The following SLITRK1 variants were observed in gnomAD, a reference collection of about 807,000 sequenced individuals.
The protein encoded by SLITRK1 is SLIT and NTRK-like protein 1.
A neutral mutation model predicts 42.4 loss-of-function variants in SLITRK1; 10 were observed. That is an observed-to-expected ratio of 0.24 (90% CI 0.15 to 0.40). SLITRK1 has a LOEUF of 0.40. SLITRK1 is among the 10% of genes least tolerant of loss of function. The pLI is 1.00. For synonymous variants in SLITRK1, 389 were observed against 365.7 expected (o/e 1.06, Z -0.73); for missense variants, 778 against 848.8 (o/e 0.92, Z 1.04).
Position 83,880,416 on chromosome 13 carries a change from C to G in SLITRK1, c.1092G>C (p.Val364=). ...GLKMNCNNRN[V]SSLADLKPKL... is the part of the protein sequence containing the mutation. ...TGGGCTTCAAATCAGCCAAGCTGCT[C>G]ACGTTCCTGTTGTTGCAGTTCATCT... is the stretch of plus-strand genomic sequence containing the variant. The change falls in exon 2 of 2, where the codon GTG becomes GTC. Residue 364 remains valine, a synonymous_variant. Coordinates refer to ENST00000674365, the MANE Select transcript of SLITRK1 (RefSeq NM_001281503.2). 1 of 1,613,960 alleles carries G rather than the reference C, an allele frequency of 6.2e-7. No individual in the cohort carries two copies. Among genetic ancestry groups the G allele is most frequent in the Admixed American group, 1.7e-5 (1 of 60,004 alleles).
In SLITRK1 at chr13:83,881,444, C is replaced by T. The variant is rs1884812064; in HGVS notation, c.64G>A (p.Asp22Asn). 2 of 1,614,028 alleles carry T rather than the reference C, an allele frequency of 1.2e-6. No homozygotes were observed. The highest frequency in any genetic ancestry group is 1.7e-6 in the Non-Finnish European group (2 of 1,180,008). Reference sequence around the variant, plus strand: ...GAACAGATCTTCTCTTTGCAAACGTCCCCTGTAACGTTTCCAGCGGCAAAA... The same window carrying T: ...GAACAGATCTTCTCTTTGCAAACGTTCCCTGTAACGTTTCCAGCGGCAAAA... ...LCFAAGNVTG[D>N]VCKEKICSCN... The change falls in exon 2 of 2, where the codon GAC (aspartate) becomes AAC (asparagine). Residue 22 changes from aspartate (D) to asparagine (N), a missense_variant. This residue lies in a region of SLITRK1 where 204 missense variants were observed against 295.3 expected (regional missense o/e 0.69). Transcript: ENST00000674365.
Position 83,881,548 on chromosome 13 carries a change from A to G in SLITRK1, c.-41T>C. 1 of 1,613,172 alleles carries G rather than the reference A, an allele frequency of 6.2e-7. No homozygotes were observed. The highest frequency in any genetic ancestry group is 8.5e-7 in the Non-Finnish European group (1 of 1,179,444). ...TTCATCCCCGATCTCATCACAAAGT[A>G]ACAGCGACCATCCTGCTCGCCACAG... On this transcript the variant is annotated 5_prime_UTR_variant, in exon 2 of 2. Coordinates refer to ENST00000674365, the MANE Select transcript of SLITRK1 (RefSeq NM_001281503.2).
chr13:83,881,608 G>T, intron 1 of SLITRK1, 48 bp from the exon 2 acceptor site: 1 of 624,796 alleles, frequency 1.6e-6, no homozygotes, highest in Non-Finnish European at 2.8e-6. Context: ...TCCAATGTCC[G>T]AAGCCAGGAA....
rs905653392 is a variant in SLITRK1, at chr13:83,880,024, G to A, written c.1484C>T (p.Ser495Leu). ...GTTGTGCAGGCTGAGTTTAGAGAGC[G>A]AGACCCCAGCGAACACGTCCACAGG... is the stretch of plus-strand genomic sequence containing the variant. ...SLPVDVFAGV[S>L]LSKLSLHNNY... Residue 495 changes from serine (S) to leucine (L), a missense_variant, in exon 2 of 2, where the codon TCG (serine) becomes TTG (leucine). Coordinates refer to ENST00000674365, the MANE Select transcript of SLITRK1 (RefSeq NM_001281503.2). 1.2e-6 allele frequency: 2 copies of A among 1,614,048 alleles called. No homozygotes were observed. Among genetic ancestry groups the A allele is most frequent in the South Asian group, 1.1e-5 (1 of 91,066 alleles).
rs777987525 is a variant in SLITRK1, at chr13:83,879,556, C to G, written c.1952G>C (p.Arg651Thr). 7 of 1,613,956 alleles carry G rather than the reference C, an allele frequency of 4.3e-6. No homozygotes were observed. The South Asian group carries it at 6.6e-5, about 15-fold the overall frequency. The change falls in exon 2 of 2, where the codon AGA (arginine) becomes ACA (threonine). Residue 651 changes from arginine (R) to threonine (T), a missense_variant. Arg to Thr is a moderately conservative substitution (Grantham distance 71). This residue lies in a region of SLITRK1 where 164 missense variants were observed against 158.2 expected (regional missense o/e 1.04). Coordinates refer to ENST00000674365, the MANE Select transcript of SLITRK1 (RefSeq NM_001281503.2). ...GGACGCGGAGGAGTTGGCATCTCGT[C>G]TCTTGGACCGCTTTCGGTTCCTCAG... is the stretch of plus-strand genomic sequence containing the variant. ...FILRNRKRSK[R>T]RDANSSASEI...
At position 83,878,569 on chromosome 13, in the gene SLITRK1, A is replaced by T. The variant is rs1884737295; in HGVS notation, c.*848T>A. 1.3e-5 allele frequency: 2 copies of T among 152,546 alleles called. No homozygotes were observed. The highest frequency in any genetic ancestry group is 6.5e-5 in the Admixed American group (1 of 15,274). 9.4% of individuals were successfully genotyped at this position (152,546 alleles called of 1,614,324 possible). On this transcript the variant is annotated 3_prime_UTR_variant, in exon 2 of 2. Coordinates refer to ENST00000674365, the MANE Select transcript of SLITRK1 (RefSeq NM_001281503.2). ...TGAAAAAAATAAAATAAAATAAAAC[A>T]TCACCATCAAAATAAAAGAACCCAA...
In SLITRK1 at chr13:83,881,034, C is replaced by T. The variant is rs1475032414; in HGVS notation, c.474G>A (p.Val158=). The change falls in exon 2 of 2, where the codon GTG becomes GTA. Residue 158 remains valine, a synonymous_variant. Transcript: ENST00000674365. ...GAFQDLNKLE[V]LILNDNLIST... is the part of the protein sequence containing the mutation. ...TGATGAGATTGTCATTTAAAATGAGCACCTCCAGCTTGTTCAAGTCCTGGA... is the reference window on the plus strand; with the variant it reads ...TGATGAGATTGTCATTTAAAATGAGTACCTCCAGCTTGTTCAAGTCCTGGA... 6.2e-7 allele frequency: 1 copy of T among 1,613,916 alleles called. No homozygotes were observed. The highest frequency in any genetic ancestry group is 8.5e-7 in the Non-Finnish European group (1 of 1,180,016).
Position 83,880,530 on chromosome 13 carries a change from C to T in SLITRK1, c.978G>A (p.Ala326=), listed in dbSNP as rs751876233. ...AGGGTTTGTTCCTGGAGCTACCCGT[C>T]GCTATCGCTGCTGTGGGTCTGATTT... ...QIKIRPTAAI[A]TGSSRNKPLA... Residue 326 remains alanine (A), a synonymous_variant, in exon 2 of 2, where the codon GCG becomes GCA. Transcript: ENST00000674365. 3 of 1,613,958 alleles carry T rather than the reference C, an allele frequency of 1.9e-6. No individual in the cohort carries two copies. The Admixed American group carries it at 5.0e-5, about 27-fold the overall frequency.
Position 83,880,886 on chromosome 13 carries a change from G to T in SLITRK1, c.622C>A (p.Leu208Met), listed in dbSNP as rs1364543822. Residue 208 changes from leucine (L) to methionine (M), a missense_variant, in exon 2 of 2, where the codon CTG (leucine) becomes ATG (methionine). Around this residue, in one of 4 missense-constraint regions of SLITRK1, gnomAD observed 204 missense variants for 295.3 expected, o/e 0.69. Transcript: ENST00000674365. ...LEQIPGIAEI[L>M]LEDNPWDCTC... The stretch of plus-strand genomic sequence containing the variant: ...CAGTCCCAAGGGTTATCCTCTAGCA[G>T]GATCTCCGCAATACCAGGGATTTGC... 4.3e-6 allele frequency: 7 copies of T among 1,613,954 alleles called. No individual in the cohort carries two copies. The highest frequency in any genetic ancestry group is 5.9e-6 in the Non-Finnish European group (7 of 1,180,018).
chr13:83,881,675 C>T, intron 1 of SLITRK1, 115 bp from the exon 2 acceptor site: 1 of 716,902 alleles, frequency 1.4e-6, no homozygotes, highest in Non-Finnish European at 2.3e-6. Flanking sequence ...CTAACCCCCC[C>T]GCACTGCAAT....
In SLITRK1 at chr13:83,879,538, G is replaced by C; in HGVS notation, c.1970C>G (p.Ser657Cys). The change falls in exon 2 of 2, where the codon TCC (serine) becomes TGC (cysteine). Residue 657 changes from serine to cysteine, a missense_variant. Coordinates refer to ENST00000674365, the MANE Select transcript of SLITRK1 (RefSeq NM_001281503.2). Reference protein sequence around the residue: ...KRSKRRDANSSASEINSLQTV... With the variant: ...KRSKRRDANSCASEINSLQTV... Reference sequence around the variant, plus strand: ...CTGTAGGGAATTAATCTCGGACGCGGAGGAGTTGGCATCTCGTCTCTTGGA... The same window carrying C: ...CTGTAGGGAATTAATCTCGGACGCGCAGGAGTTGGCATCTCGTCTCTTGGA... 1 of 1,614,102 alleles carries C rather than the reference G, an allele frequency of 6.2e-7. No individual in the cohort carries two copies. The highest frequency in any genetic ancestry group is 2.2e-5 in the East Asian group (1 of 44,852).
At position 83,879,432 on chromosome 13, in the gene SLITRK1, G is replaced by T; in HGVS notation, c.2076C>A (p.His692Gln). ...GAHRVYDCGS[H>Q]SLSD ...GGTTGGGGTCTTAGTCTGAGAGCGAGTGAGAGCCACAGTCATACACTCTGT... is the reference window on the plus strand; with the variant it reads ...GGTTGGGGTCTTAGTCTGAGAGCGATTGAGAGCCACAGTCATACACTCTGT... Residue 692 changes from histidine (H) to glutamine (Q), a missense_variant, in exon 2 of 2, where the codon CAC becomes CAA. By Grantham distance (24) the His-to-Gln change is conservative. Around this residue, in one of 4 missense-constraint regions of SLITRK1, gnomAD observed 164 missense variants for 158.2 expected, o/e 1.04. Transcript: ENST00000674365. 1 of 1,613,442 alleles carries T rather than the reference G, an allele frequency of 6.2e-7. No homozygotes were observed. Among genetic ancestry groups the T allele is most frequent in the Non-Finnish European group, 8.5e-7 (1 of 1,180,022 alleles).
Position 83,881,150 on chromosome 13 carries a change from A to T in SLITRK1, c.358T>A (p.Ser120Thr), listed in dbSNP as rs760557916. 2 of 1,614,060 alleles carry T rather than the reference A, an allele frequency of 1.2e-6. No homozygotes were observed. Among genetic ancestry groups the T allele is most frequent in the Non-Finnish European group, 1.7e-6 (2 of 1,180,002 alleles). Reference protein sequence around the residue: ...RLHINNNKIKSFRKQTFLGLD... With the variant: ...RLHINNNKIKTFRKQTFLGLD... ...CCCAGAAAAGTCTGCTTTCGAAAAG[A>T]CTTGATCTTGTTGTTGTTGATGTGC... The change falls in exon 2 of 2, where the codon TCT becomes ACT. Residue 120 changes from serine (S) to threonine (T), a missense_variant. By Grantham distance (58) the Ser-to-Thr change is moderately conservative. Transcript: ENST00000674365.
rs1429767852 is a variant in SLITRK1, at chr13:83,882,102, CG to C, written c.-153del. 1 of 167,568 alleles carries C rather than the reference CG, an allele frequency of 6.0e-6. No individual in the cohort carries two copies. Among genetic ancestry groups the C allele is most frequent in the Non-Finnish European group, 1.5e-5 (1 of 68,692 alleles). 10.4% of individuals were successfully genotyped at this position (167,568 alleles called of 1,614,324 possible). ...GTTGCGGGTTGCCCAGAAGTCCCCC[CG>C]AGGTGCTGTCCAGTTCCCCCGGTGC... On this transcript the variant is annotated 5_prime_UTR_variant, in exon 1 of 2. Transcript: ENST00000674365.
rs1884721083 is a variant in SLITRK1, at chr13:83,877,776, G to C, written c.*1641C>G. Reference sequence around the variant, plus strand: ...GCAGCATCTCAAATGCCAGTCATTAGGTCTGTCTTTCATTGAGGAGTGCTG... The same window carrying C: ...GCAGCATCTCAAATGCCAGTCATTACGTCTGTCTTTCATTGAGGAGTGCTG... On this transcript the variant is annotated 3_prime_UTR_variant, in exon 2 of 2. Coordinates refer to ENST00000674365, the MANE Select transcript of SLITRK1 (RefSeq NM_001281503.2). 6.6e-6 allele frequency: 1 copy of C among 152,472 alleles called. No individual in the cohort carries two copies. The highest frequency in any genetic ancestry group is 2.4e-5 in the African/African-American group (1 of 41,370). 9.4% of individuals were successfully genotyped at this position (152,472 alleles called of 1,614,324 possible).
In SLITRK1 at chr13:83,879,890, A is replaced by G; in HGVS notation, c.1618T>C (p.Phe540Leu). ...CCCAAGCGTTCTGCCCACTGCTTGAAAGGCACAATTGTGCAGGAGCACTCC... is the reference window on the plus strand; with the variant it reads ...CCCAAGCGTTCTGCCCACTGCTTGAGAGGCACAATTGTGCAGGAGCACTCC... ...PWECSCTIVPFKQWAERLGSE... is the reference protein window; with the variant it reads ...PWECSCTIVPLKQWAERLGSE... Residue 540 changes from phenylalanine (F) to leucine (L), a missense_variant, in exon 2 of 2, where the codon TTC becomes CTC. Phe to Leu is a conservative substitution (Grantham distance 22, BLOSUM62 0). Transcript: ENST00000674365. 1 of 1,614,082 alleles carries G rather than the reference A, an allele frequency of 6.2e-7. No homozygotes were observed. The highest frequency in any genetic ancestry group is 1.1e-5 in the South Asian group (1 of 91,078).
rs370827187 is a variant in SLITRK1, at chr13:83,880,843, G to C, written c.665C>G (p.Ser222Cys). 6.2e-7 allele frequency: 1 copy of C among 1,614,114 alleles called. No homozygotes were observed. The highest frequency in any genetic ancestry group is 8.5e-7 in the Non-Finnish European group (1 of 1,180,022). The stretch of plus-strand genomic sequence containing the variant: ...AATGTTTTCCAGCCATTCTTTCAGG[G>C]AGAGCAGATCACAGGTGCAGTCCCA... ...NPWDCTCDLL[S>C]LKEWLENIPK... is the part of the protein sequence containing the mutation. The change falls in exon 2 of 2, where the codon TCC becomes TGC. Residue 222 changes from serine to cysteine, a missense_variant. Coordinates refer to ENST00000674365, the MANE Select transcript of SLITRK1 (RefSeq NM_001281503.2).
chr13:83,878,970 G>C lies in SLITRK1; in HGVS notation c.*447C>G, dbSNP rs1237380364. 5.8e-6 allele frequency: 1 copy of C among 173,456 alleles called. No individual in the cohort carries two copies. The highest frequency in any genetic ancestry group is 1.2e-5 in the Non-Finnish European group (1 of 80,384). 10.7% of individuals were successfully genotyped at this position (173,456 alleles called of 1,614,324 possible). On this transcript the variant is annotated 3_prime_UTR_variant, in exon 2 of 2. Transcript: ENST00000674365. Reference sequence around the variant, plus strand: ...AATACATTCATGCCTTCGTGCAACTGCCCATCCCTGCGTAGCCAACAGGGA... The same window carrying C: ...AATACATTCATGCCTTCGTGCAACTCCCCATCCCTGCGTAGCCAACAGGGA...
At chr13:83,881,726 A>C (rs1483847693) in intron 1 of SLITRK1, 166 bp from the exon 2 acceptor site, 1 of 325,040 alleles carries the variant, frequency 3.1e-6, no homozygotes, top group Non-Finnish European at 5.9e-6. Flanking sequence ...CAAACTATCC[A>C]GGCACGTAGT....
Sources: allele counts gnomAD v4.1 joint callset, GRCh38; gene constraint gnomAD v4.1.1; regional missense constraint gnomAD v4.1.1; transcripts MANE v1.5; gene names NCBI Gene and HGNC (gene_info 2026-07-23, HGNC 2026-07-21).